The following MBP variants were observed in gnomAD, a reference collection of about 807,000 sequenced individuals.
MBP encodes myelin basic protein, also known as Golli-MBP.
A neutral mutation model predicts 35.8 loss-of-function variants in MBP; 16 were observed. The ratio of observed to expected loss-of-function variants is 0.45; its 90% CI spans 0.30 to 0.68. MBP has a LOEUF of 0.68. Among genes scored for constraint, MBP ranks in the 30% least tolerant of loss-of-function variants. The pLI is 0.08. For synonymous variants in MBP, 143 were observed against 159.6 expected (o/e 0.90, Z 0.78); for missense variants, 380 against 404.7 (o/e 0.94, Z 0.52).
At chr18:77,037,786 G>C (rs1972836621) in intron 3 of MBP, among the ~76,000 whole-genome samples, 1 of 152,206 alleles carries the variant, frequency 6.6e-6, no homozygotes, top group Non-Finnish European at 1.5e-5. Flanking sequence ...CTGGGTGACA[G>C]CAGGACGGTA....
chr18:77,014,095 C>T, intron 4 of MBP: 1 of 985,456 alleles, frequency 1.0e-6, no homozygotes, highest in African/African-American at 1.7e-5. Flanking sequence ...TCCTTTCTTT[C>T]CTCTCACAAC....
intron 1 of MBP, among the ~76,000 whole-genome samples, chr18:77,116,303 A>C (rs74630483): frequency 1.3e-5 from 2 of 152,360 alleles, no homozygotes; most frequent in South Asian, 2.1e-4. Flanking sequence ...TGATCTCCTA[A>C]AGGGCCCCAT....
At chr18:77,074,034 C>T (rs1974551992) in intron 2 of MBP, among the ~76,000 whole-genome samples, 1 of 152,208 alleles carries the variant, frequency 6.6e-6, no homozygotes, top group Admixed American at 6.5e-5. Context: ...GACTTGTGCA[C>T]ACTCACAGGG....
At chr18:77,099,682 G>T (rs1203618570) in intron 2 of MBP, among the ~76,000 whole-genome samples, 1 of 152,206 alleles carries the variant, frequency 6.6e-6, no homozygotes, top group African/African-American at 2.4e-5. Context: ...TCAGTGCCTG[G>T]GAGAATGAAG....
intron 2 of MBP, among the ~76,000 whole-genome samples, chr18:77,069,731 C>T (rs1974355355): frequency 6.6e-6 from 1 of 152,198 alleles, no homozygotes; most frequent in South Asian, 2.1e-4. Flanking sequence ...GTGGGGGCAG[C>T]ATAAGCATGA....
In MBP at chr18:76,985,737, AC is replaced by A. The variant is rs1969519082; in HGVS notation, c.751-844del. On this transcript the variant is annotated intron_variant, in intron 7 of 8. Coordinates refer to ENST00000355994, the MANE Select transcript of MBP (RefSeq NM_001025101.2). ...TGTGTGGCCTTGGGCAAGGGCAGGAACCTCTCTGAGCTTCAGTTTCCTCATC... is the reference window on the plus strand; with the variant it reads ...TGTGTGGCCTTGGGCAAGGGCAGGAACTCTCTGAGCTTCAGTTTCCTCATC... The A allele has an allele frequency of 7.0e-6, 7 of 1,003,918 alleles. No individual in the cohort carries two copies. In the East Asian group the frequency reaches 3.1e-4, roughly 45 times the overall value. 62.2% of individuals were successfully genotyped at this position (1,003,918 alleles called of 1,614,324 possible).
intron 3 of MBP, among the ~76,000 whole-genome samples, chr18:77,054,482 C>T (rs566067703): frequency 1.1e-4 from 17 of 152,260 alleles, no homozygotes; most frequent in East Asian, 1.9e-4. Flanking sequence ...GAGCAGGGAG[C>T]GAGGTGCTCA....
At chr18:77,073,542 A>G (rs1445521341) in intron 2 of MBP, among the ~76,000 whole-genome samples, 1 of 152,246 alleles carries the variant, frequency 6.6e-6, no homozygotes, top group Non-Finnish European at 1.5e-5. Context: ...ATGCCCATCT[A>G]GGAAACCTGA....
intron 3 of MBP, among the ~76,000 whole-genome samples, chr18:77,032,956 CTTTG>C (rs984230976): frequency 4.6e-5 from 7 of 152,094 alleles, no homozygotes; most frequent in Non-Finnish European, 8.8e-5. Flanking sequence ...ATATGGCTGA[CTTTG>C]TTTAATTTTT....
chr18:77,000,282 T>C (rs1050761695), intron 4 of MBP, among the ~76,000 whole-genome samples: 1 of 152,244 alleles, frequency 6.6e-6, no homozygotes, highest in African/African-American at 2.4e-5. Flanking sequence ...TTGTTAGATC[T>C]GGCTTTGTGC....
At chr18:77,070,793 A>G (rs1250723958) in intron 2 of MBP, among the ~76,000 whole-genome samples, 3 of 152,120 alleles carry the variant, frequency 2.0e-5, no homozygotes, top group Admixed American at 6.5e-5. Flanking sequence ...AGTTTTCTTC[A>G]TCAGAACCGA....
chr18:77,080,937 C>T (rs1006086054), intron 2 of MBP, among the ~76,000 whole-genome samples: 2 of 152,238 alleles, frequency 1.3e-5, no homozygotes, highest in African/African-American at 4.8e-5. Flanking sequence ...CCCGCCTCAA[C>T]CTCCCAAAGT....
At chr18:77,128,167 C>T (rs1977118056) in intron 1 of MBP, among the ~76,000 whole-genome samples, 1 of 152,178 alleles carries the variant, frequency 6.6e-6, no homozygotes, top group Non-Finnish European at 1.5e-5. Flanking sequence ...TTGAACACAC[C>T]TTGGTTCATC....
rs567124932 is a variant in MBP, at chr18:77,056,143, G to A, written c.139+10155C>T. 7.3e-4 allele frequency among the ~76,000 whole-genome samples: 110 copies of A among 151,540 alleles called. 3 individuals are homozygous for A. In the South Asian group the frequency reaches 0.022, roughly 30 times the overall value. ...CTGTTATCCGTGACCCCGTGCGCCC[G>A]GGGCTGGGTCTGCAGAGGCTTTGGG... On this transcript the variant is annotated intron_variant, in intron 3 of 8. Coordinates refer to ENST00000355994, the MANE Select transcript of MBP (RefSeq NM_001025101.2).
Position 76,979,849 on chromosome 18 carries a change from G to T in MBP, c.*578C>A, listed in dbSNP as rs1408560666. ...TGCCCCACGTTGGACTCTAACAGCT[G>T]CCCAGCCCGCATGTCACATACCAAA... On this transcript the variant is annotated 3_prime_UTR_variant, in exon 9 of 9. Coordinates refer to ENST00000355994, the MANE Select transcript of MBP (RefSeq NM_001025101.2). The T allele has an allele frequency of 1.5e-6, 1 of 659,144 alleles. No homozygotes were observed. Among genetic ancestry groups the T allele is most frequent in the Admixed American group, 2.2e-5 (1 of 44,508 alleles). The allele number at this position is 659,144 out of a possible 1,614,324, so 40.8% of individuals were successfully genotyped here.
At chr18:77,065,034 G>A (rs1974137140) in intron 3 of MBP, among the ~76,000 whole-genome samples, 2 of 152,128 alleles carry the variant, frequency 1.3e-5, no homozygotes, top group Non-Finnish European at 2.9e-5. Flanking sequence ...TGTCATGATG[G>A]GACGAGTGGA....
At chr18:77,024,627 G>A (rs1972125166) in intron 3 of MBP, among the ~76,000 whole-genome samples, 1 of 152,232 alleles carries the variant, frequency 6.6e-6, no homozygotes, top group Non-Finnish European at 1.5e-5. Context: ...TTTCCTTGGA[G>A]CAAATCAAAG....
At chr18:77,071,004 G>A (rs909116624) in intron 2 of MBP, among the ~76,000 whole-genome samples, 2 of 152,160 alleles carry the variant, frequency 1.3e-5, no homozygotes, top group African/African-American at 4.8e-5. Flanking sequence ...ACACGCACAC[G>A]CACATTGTAG....
At chr18:77,009,828 G>A in intron 4 of MBP, 1 of 1,557,082 alleles carries the variant, frequency 6.4e-7, no homozygotes, top group South Asian at 1.2e-5. Flanking sequence ...CCCGATGGGT[G>A]AGGACCCGCC....
Sources: gnomAD v4.1 joint callset for allele counts (sites outside exome capture counted in the v4.1 genomes callset) on GRCh38, gnomAD v4.1.1 for gene constraint, MANE v1.5 for transcripts, NCBI Gene and HGNC (gene_info 2026-07-23, HGNC 2026-07-21) for gene names.